ACSL6: variants seen among roughly 807,000 people sequenced by gnomAD.
ACSL6 encodes the protein long-chain-fatty-acid--CoA ligase 6.
ACSL6 carries 47 observed loss-of-function variants against 98.2 expected under a neutral mutation model. The observed-to-expected ratio is 0.48, with a 90% CI of 0.38 to 0.61. The LOEUF (loss-of-function observed/expected upper bound fraction) is 0.61. Ranked by LOEUF, ACSL6 falls within the 20% of genes least tolerant of loss-of-function variation. ACSL6 has a pLI of 0.00. For missense variants in ACSL6, 761 were observed against 913.4 expected, an observed-to-expected ratio of 0.83 and a Z score of 2.15; for synonymous variants, 362 against 336.9, an observed-to-expected ratio of 1.07 and a Z score of -0.82.
intron 1 of ACSL6, 30 bp from the exon 2 acceptor site, chr5:131,994,281 G>C (rs1410816815): frequency 1.3e-6 from 2 of 1,569,254 alleles, no homozygotes; most frequent in East Asian, 4.7e-5. Flanking sequence ...GATAAGGCAA[G>C]AGACCTGACG....
chr5:131,974,630 C>G (rs957117425), intron 11 of ACSL6: 7 of 1,091,020 alleles, frequency 6.4e-6, no homozygotes, highest in Non-Finnish European at 9.4e-6. Context: ...TCTGAGCCCT[C>G]TGACCCCTAT....
intron 1 of ACSL6, among the ~76,000 whole-genome samples, chr5:132,009,024 T>C (rs749483861): frequency 4.3e-4 from 66 of 152,360 alleles, no homozygotes; most frequent in Middle Eastern, 3.4e-3. Context: ...ATCTGACTCA[T>C]GCTGGACTTA....
Position 131,968,137 on chromosome 5 carries a change from A to T in ACSL6, c.1508-109T>A, listed in dbSNP as rs1753119026. 6 of 851,378 alleles carry T rather than the reference A, an allele frequency of 7.0e-6. No homozygotes were observed. In the African/African-American group the frequency reaches 8.4e-5, roughly 12 times the overall value. The allele number at this position is 851,378 out of a possible 1,614,324, so 52.7% of individuals were successfully genotyped here. ...GAGTGGCCAAAGTGGGGAATTATGG[A>T]TGGAAAGTAACACATCTTTAAAGGG... On this transcript the variant is annotated intron_variant, in intron 15 of 20. Transcript: ENST00000651883.
Position 131,994,606 on chromosome 5 carries a change from C to T in ACSL6, c.50-355G>A, listed in dbSNP as rs1427957313. ...CTCAAGGCCTGGGTGCTCTGTTCTC[C>T]TGTGTGACAGCTGTCATAGCATTTT... On this transcript the variant is annotated intron_variant, in intron 1 of 20. Coordinates refer to ENST00000651883, the MANE Select transcript of ACSL6 (RefSeq NM_001009185.3). 2.5e-5 allele frequency: 8 copies of T among 326,298 alleles called. No homozygotes were observed. The East Asian group carries it at 6.0e-4, about 24-fold the overall frequency. 20.2% of individuals were successfully genotyped at this position (326,298 alleles called of 1,614,324 possible).
Position 131,954,082 on chromosome 5 carries a change from T to C in ACSL6, c.*152A>G, listed in dbSNP as rs2080868602. On this transcript the variant is annotated 3_prime_UTR_variant, in exon 21 of 21. Coordinates refer to ENST00000651883, the MANE Select transcript of ACSL6 (RefSeq NM_001009185.3). The stretch of plus-strand genomic sequence containing the variant: ...ATATACTCATTGATGATAGAGAAAA[T>C]ATTGTTAAAGACCTCTTGGGACAGG... 3.3e-6 allele frequency: 2 copies of C among 613,062 alleles called. No individual in the cohort carries two copies. Among genetic ancestry groups the C allele is most frequent in the Admixed American group, 8.1e-5 (2 of 24,694 alleles). The allele number at this position is 613,062 out of a possible 1,614,324, so 38.0% of individuals were successfully genotyped here.
intron 15 of ACSL6, 86 bp downstream of exon 15, chr5:131,970,042 T>G (rs1753219664): frequency 1.7e-6 from 2 of 1,209,498 alleles, no homozygotes; most frequent in African/African-American, 3.0e-5. Flanking sequence ...CCATGCAAAT[T>G]TACTTTCCAT....
chr5:131,989,873 C>T (rs996625196), intron 4 of ACSL6, among the ~76,000 whole-genome samples: 1 of 152,208 alleles, frequency 6.6e-6, no homozygotes, highest in African/African-American at 2.4e-5. Flanking sequence ...GGATTACAGG[C>T]ATGAGCCACC....
At chr5:131,991,163 A>G (rs1754491060) in intron 2 of ACSL6, among the ~76,000 whole-genome samples, 196 bp from the exon 3 acceptor site, 3 of 152,070 alleles carry the variant, frequency 2.0e-5, no homozygotes, top group Admixed American at 2.0e-4. Flanking sequence ...ATGTAGCCAC[A>G]CTCCGACATA....
chr5:131,950,458 A>G lies in ACSL6; in HGVS notation c.*3776T>C, dbSNP rs1752100246. 9.8e-6 allele frequency: 2 copies of G among 204,568 alleles called. No individual in the cohort carries two copies. The highest frequency in any genetic ancestry group is 4.6e-5 in the African/African-American group (2 of 43,756). 12.7% of individuals were successfully genotyped at this position (204,568 alleles called of 1,614,324 possible). On this transcript the variant is annotated 3_prime_UTR_variant, in exon 21 of 21. Transcript: ENST00000651883. The stretch of plus-strand genomic sequence containing the variant: ...GAAAGTATTTTCTAGCATACTTGAG[A>G]GGAAATTCAGACTACTAGGATCCTT...
chr5:131,967,019 C>T (rs1021989209), intron 16 of ACSL6, among the ~76,000 whole-genome samples: 3 of 152,132 alleles, frequency 2.0e-5, no homozygotes, highest in African/African-American at 7.2e-5. Flanking sequence ...CAGCAGCAGG[C>T]CATGACACAG....
At chr5:131,971,900 A>C (rs753871645) in intron 13 of ACSL6, among the ~76,000 whole-genome samples, 1 of 152,154 alleles carries the variant, frequency 6.6e-6, no homozygotes, top group Admixed American at 6.5e-5. Flanking sequence ...GATAAGTACC[A>C]TCAGTCTGGG....
chr5:131,976,117 C>T lies in ACSL6; in HGVS notation c.990+531G>A, dbSNP rs531601452. 770 of 985,418 alleles carry T rather than the reference C, an allele frequency of 7.8e-4. 3 individuals are homozygous for T. Among genetic ancestry groups the T allele is most frequent in the Middle Eastern group, 5.7e-3 (11 of 1,914 alleles). The allele number at this position is 985,418 out of a possible 1,614,324, so 61.0% of individuals were successfully genotyped here. ...GTGGGAAAAGTCCTCCTTTGTTAGC[C>T]AGTTATAAAATGCTAACATGCTTTG... On this transcript the variant is annotated intron_variant, in intron 10 of 20. Coordinates refer to ENST00000651883, the MANE Select transcript of ACSL6 (RefSeq NM_001009185.3).
At chr5:131,988,573 G>A in intron 6 of ACSL6, 3 of 1,612,848 alleles carry the variant, frequency 1.9e-6, no homozygotes, top group Non-Finnish European at 2.5e-6. Flanking sequence ...GGAGGCTGTT[G>A]CAGAGGCTCC....
intron 6 of ACSL6, 87 bp downstream of exon 6, chr5:131,988,718 G>A: frequency 1.3e-6 from 2 of 1,564,112 alleles, no homozygotes; most frequent in Non-Finnish European, 1.8e-6. Flanking sequence ...TCTTACGAGT[G>A]TCAGACAATC....
chr5:131,961,570 G>A (rs1377823109), intron 18 of ACSL6, among the ~76,000 whole-genome samples: 3 of 151,842 alleles, frequency 2.0e-5, no homozygotes, highest in East Asian at 2.0e-4. Context: ...GGTGGTGGGC[G>A]CCTGTAGTCC....
At chr5:132,010,441 C>T (rs1344526840) in intron 1 of ACSL6, among the ~76,000 whole-genome samples, 1 of 152,184 alleles carries the variant, frequency 6.6e-6, no homozygotes, top group Non-Finnish European at 1.5e-5. Flanking sequence ...CCACCGACCT[C>T]CTAGGGTTTT....
intron 10 of ACSL6, chr5:131,975,820 A>G (rs1753585374): frequency 2.0e-6 from 2 of 985,444 alleles, no homozygotes; most frequent in African/African-American, 3.5e-5. Flanking sequence ...ACCCCTTTGC[A>G]GAGGCCTTCA....
intron 9 of ACSL6, among the ~76,000 whole-genome samples, chr5:131,981,215 A>G (rs1200385366): frequency 6.6e-6 from 1 of 151,816 alleles, no homozygotes; most frequent in African/African-American, 2.4e-5. Context: ...CTTCTCAGCT[A>G]TAAGAAACAC....
chr5:131,967,189 A>G (rs1225410358), intron 16 of ACSL6, among the ~76,000 whole-genome samples: 1 of 152,056 alleles, frequency 6.6e-6, no homozygotes, highest in African/African-American at 2.4e-5. Flanking sequence ...CTAAAAAAAA[A>G]ATAAAAAGTT....
Sources: gnomAD v4.1 joint callset for allele counts (sites outside exome capture counted in the v4.1 genomes callset) on GRCh38, gnomAD v4.1.1 for gene constraint, MANE v1.5 for transcripts, NCBI Gene and HGNC (gene_info 2026-07-23, HGNC 2026-07-21) for gene names.